Variants in ACYP2 observed in about 807,000 individuals in gnomAD.
The protein encoded by ACYP2 is acylphosphatase-2.
Under a neutral mutation model 11.2 loss-of-function variants are expected in ACYP2, and 12 were observed. The observed-to-expected ratio is 1.08, with a 90% CI of 0.69 to 1.74. The LOEUF (loss-of-function observed/expected upper bound fraction) is 1.74. Ranked by LOEUF, ACYP2 falls within the 40% of genes most tolerant of loss-of-function variation. The pLI, the probability that ACYP2 is intolerant of heterozygous loss-of-function variation, is 0.00. For synonymous variants in ACYP2, 43 were observed against 32.2 expected (o/e 1.33, Z -1.13); for missense variants, 134 against 101.9 (o/e 1.31, Z -1.35).
chr2:54,125,968 C>G (rs1680469405), intron 4 of ACYP2, among the ~76,000 whole-genome samples: 1 of 151,962 alleles, frequency 6.6e-6, no homozygotes, highest in African/African-American at 2.4e-5. Context: ...ATAATCCCAG[C>G]TACTCGGGAG....
At chr2:54,195,794 G>GTTTGTT (rs1684444954) in intron 6 of ACYP2, among the ~76,000 whole-genome samples, 3 of 83,134 alleles carry the variant, frequency 3.6e-5, no homozygotes, top group African/African-American at 1.5e-4. Flanking sequence ...TTTGTTGTGG[G>GTTTGTT]TTTTTTTTTT....
intron 4 of ACYP2, among the ~76,000 whole-genome samples, chr2:54,064,057 C>G (rs1572676390): frequency 1.3e-5 from 2 of 152,036 alleles, no homozygotes; most frequent in Non-Finnish European, 2.9e-5. Flanking sequence ...TATTGTTGCC[C>G]TTGTTAGTCT....
intron 6 of ACYP2, among the ~76,000 whole-genome samples, chr2:54,237,530 A>G (rs1686541213): frequency 6.6e-6 from 1 of 152,126 alleles, no homozygotes; most frequent in African/African-American, 2.4e-5. Context: ...TTTTACTGGT[A>G]GAGAATTTTA....
intron 6 of ACYP2, among the ~76,000 whole-genome samples, chr2:54,172,030 A>C (rs1424596629): frequency 6.6e-6 from 1 of 152,120 alleles, no homozygotes; most frequent in Admixed American, 6.6e-5. Context: ...CCTAGTCAAC[A>C]TAGGGATACC....
At chr2:54,258,961 T>C (rs556327410) in intron 6 of ACYP2, among the ~76,000 whole-genome samples, 3 of 152,312 alleles carry the variant, frequency 2.0e-5, no homozygotes, top group East Asian at 3.9e-4. Flanking sequence ...ACTTGCATTA[T>C]AGCAACCCAC....
intron 4 of ACYP2, among the ~76,000 whole-genome samples, chr2:54,064,150 CT>C (rs113626849): frequency 7.3e-5 from 11 of 151,192 alleles, no homozygotes; most frequent in East Asian, 1.9e-4. Flanking sequence ...CACCAGGCCT[CT>C]TTTTTTTTGG....
chr2:54,159,005 ACTCT>A (rs913392536), intron 6 of ACYP2, among the ~76,000 whole-genome samples: 37 of 152,020 alleles, frequency 2.4e-4, no homozygotes, highest in African/African-American at 8.7e-4. Flanking sequence ...TTAGGTTGTA[ACTCT>A]CTATATATAC....
intron 6 of ACYP2, among the ~76,000 whole-genome samples, chr2:54,278,560 G>C (rs1310939846): frequency 1.3e-5 from 2 of 152,138 alleles, no homozygotes; most frequent in Non-Finnish European, 2.9e-5. Flanking sequence ...GAGTCTGTGG[G>C]GAAAACTGCT....
chr2:53,997,340 C>T (rs1035867873), intron 2 of ACYP2, among the ~76,000 whole-genome samples: 5 of 151,998 alleles, frequency 3.3e-5, no homozygotes, highest in Non-Finnish European at 7.4e-5. Context: ...GAGTTTTGTT[C>T]TGCTGCCCAG....
intron 4 of ACYP2, among the ~76,000 whole-genome samples, chr2:54,133,116 C>T (rs1398771521): frequency 6.6e-6 from 1 of 152,096 alleles, no homozygotes; most frequent in Non-Finnish European, 1.5e-5. Context: ...GTCCCATCAC[C>T]CCGAAGTTCT....
chr2:54,149,992 A>C (rs892786094), intron 6 of ACYP2, among the ~76,000 whole-genome samples: 4 of 152,200 alleles, frequency 2.6e-5, no homozygotes, highest in African/African-American at 9.7e-5. Context: ...GCCATGGGTG[A>C]ATTTGCTGAA....
intron 6 of ACYP2, among the ~76,000 whole-genome samples, chr2:54,173,550 C>A (rs1040873635): frequency 6.6e-6 from 1 of 152,116 alleles, no homozygotes; most frequent in Non-Finnish European, 1.5e-5. Context: ...TTAATTAGAT[C>A]CCATTTGTCT....
At chr2:54,233,899 T>G (rs1364268279) in intron 6 of ACYP2, among the ~76,000 whole-genome samples, 1 of 152,176 alleles carries the variant, frequency 6.6e-6, no homozygotes, top group Non-Finnish European at 1.5e-5. Context: ...TTAAGACACT[T>G]TTATAAGTGA....
chr2:53,971,836 A>C (rs1442351434), intron 1 of ACYP2, among the ~76,000 whole-genome samples: 1 of 152,222 alleles, frequency 6.6e-6, no homozygotes, highest in Non-Finnish European at 1.5e-5. Flanking sequence ...CAGCTGAGAG[A>C]ACAGCTTTGA....
intron 6 of ACYP2, among the ~76,000 whole-genome samples, chr2:54,256,852 A>G (rs1198651285): frequency 1.3e-5 from 2 of 150,906 alleles, no homozygotes. Flanking sequence ...ATTTTTAGTC[A>G]AGACATGGTT....
intron 6 of ACYP2, among the ~76,000 whole-genome samples, chr2:54,231,747 A>C (rs1459339184): frequency 6.6e-6 from 1 of 152,222 alleles, no homozygotes; most frequent in Non-Finnish European, 1.5e-5. Flanking sequence ...AGAGCGACAT[A>C]ATTCTAAATA....
chr2:54,073,250 G>T (rs1224419254), intron 4 of ACYP2, among the ~76,000 whole-genome samples: 1 of 152,164 alleles, frequency 6.6e-6, no homozygotes, highest in Non-Finnish European at 1.5e-5. Context: ...AAATGAGCCA[G>T]GTGTGGTAGT....
At chr2:54,265,170 G>A (rs778602260) in intron 6 of ACYP2, among the ~76,000 whole-genome samples, 6 of 152,126 alleles carry the variant, frequency 3.9e-5, no homozygotes, top group Admixed American at 6.5e-5. Flanking sequence ...AGACATAGCT[G>A]AGACTGGGAA....
At chr2:54,229,884 T>C (rs1204559472) in intron 6 of ACYP2, among the ~76,000 whole-genome samples, 1 of 152,214 alleles carries the variant, frequency 6.6e-6, no homozygotes, top group Non-Finnish European at 1.5e-5. Flanking sequence ...GCATTTGTCA[T>C]GTTCTGTCCA....
Sources: allele counts gnomAD v4.1 joint callset (sites outside exome capture counted in the v4.1 genomes callset), GRCh38; gene constraint gnomAD v4.1.1; transcripts MANE v1.5; gene names NCBI Gene and HGNC (gene_info 2026-07-23, HGNC 2026-07-21).